Variants in AFF2 observed in about 807,000 individuals in gnomAD.
The protein encoded by AFF2 is AF4/FMR2 family member 2.
Under a neutral mutation model 76.9 loss-of-function variants are expected in AFF2, and 14 were observed. The observed-to-expected ratio is 0.18, with a 90% confidence interval of 0.12 to 0.28. AFF2 has a LOEUF of 0.28. Among genes scored for constraint, AFF2 ranks in the 10% least tolerant of loss-of-function variants. AFF2 has a pLI of 1.00. For synonymous variants in AFF2, 398 were observed against 366.7 expected (o/e 1.09, Z -0.98); for missense variants, 868 against 1,001.1 (o/e 0.87, Z 1.79).
At chrX:148,701,011 A>AGTGTGTGTGTGTGT (rs10675199) in intron 3 of AFF2, among the ~76,000 whole-genome samples, 1 of 61,158 alleles carries the variant, frequency 1.6e-5, no homozygotes, top group Non-Finnish European at 3.2e-5. Context: ...AGAGAGAGAG[A>AGTGTGTGTGTGTGT]ATGTGTGTGT....
At chrX:148,726,038 G>T (rs1420414387) in intron 3 of AFF2, among the ~76,000 whole-genome samples, 2 of 111,593 alleles carry the variant, frequency 1.8e-5, no homozygotes, top group Admixed American at 1.9e-4. Flanking sequence ...AGAAGGACTT[G>T]TGGAACTTAA....
At position 148,978,383 on chromosome X, in the gene AFF2, C is replaced by G; in HGVS notation, c.3498C>G (p.Leu1166=). The change falls in exon 18 of 21, where the codon CTC becomes CTG. Residue 1166 remains leucine (L), a synonymous_variant. Coordinates refer to ENST00000370460, the MANE Select transcript of AFF2 (RefSeq NM_002025.4). The part of the protein sequence containing the change: ...AVLCYRCLSL[L]YLRMFKLKKD... Reference sequence around the variant, plus strand: ...ACAGCTACCGATGTTTATCACTCCTCTATTTGAGAATGTTTAAGCTGAAGA... The same window carrying G: ...ACAGCTACCGATGTTTATCACTCCTGTATTTGAGAATGTTTAAGCTGAAGA... The G allele has an allele frequency of 8.3e-7, 1 of 1,204,779 alleles. No homozygotes were observed. Among genetic ancestry groups the G allele is most frequent in the Non-Finnish European group, 1.1e-6 (1 of 889,037 alleles).
chrX:148,862,750 T>A (rs1321313138), intron 7 of AFF2, among the ~76,000 whole-genome samples: 1 of 112,517 alleles, frequency 8.9e-6, no homozygotes, highest in Non-Finnish European at 1.9e-5. Context: ...GCACAGTACT[T>A]CATTTAATTA....
intron 1 of AFF2, among the ~76,000 whole-genome samples, chrX:148,512,159 G>A (rs1201412746): frequency 9.0e-6 from 1 of 111,417 alleles, no homozygotes; most frequent in Non-Finnish European, 1.9e-5. Flanking sequence ...AAAAATGCAA[G>A]AGCCATGATG....
intron 7 of AFF2, among the ~76,000 whole-genome samples, chrX:148,883,150 G>A (rs1557278678): frequency 9.0e-6 from 1 of 111,506 alleles, no homozygotes; most frequent in Non-Finnish European, 1.9e-5. Context: ...GACTCTGGAT[G>A]TGCTACTTCT....
intron 12 of AFF2, among the ~76,000 whole-genome samples, chrX:148,961,534 GGCC>G (rs1454242256): frequency 8.9e-6 from 1 of 111,872 alleles, no homozygotes; most frequent in Non-Finnish European, 1.9e-5. Flanking sequence ...AGTAACATAG[GGCC>G]ACATTTATGA....
At chrX:148,696,140 C>T (rs1180470998) in intron 3 of AFF2, among the ~76,000 whole-genome samples, 1 of 111,460 alleles carries the variant, frequency 9.0e-6, no homozygotes, top group African/African-American at 3.3e-5. Flanking sequence ...AGAGAACATC[C>T]ACATTATTTT....
intron 3 of AFF2, among the ~76,000 whole-genome samples, chrX:148,672,654 G>C (rs1237150895): frequency 8.9e-6 from 1 of 112,299 alleles, no homozygotes; most frequent in Non-Finnish European, 1.9e-5. Flanking sequence ...ACACCAAAAA[G>C]AGCAATTTTT....
intron 3 of AFF2, among the ~76,000 whole-genome samples, chrX:148,730,577 C>T (rs1482003927): frequency 8.8e-6 from 1 of 113,025 alleles, no homozygotes; most frequent in Non-Finnish European, 1.9e-5. Flanking sequence ...CCCCCAACAT[C>T]TACTCCACAA....
At chrX:148,758,142 C>A (rs16994711) in intron 3 of AFF2, among the ~76,000 whole-genome samples, 6,679 of 111,955 alleles carry the variant, frequency 0.06, 454 homozygotes, top group African/African-American at 0.2. Flanking sequence ...TGTATTTGAG[C>A]AAAAGACCAT....
chrX:148,645,633 C>T (rs1268669537), intron 1 of AFF2, among the ~76,000 whole-genome samples: 1 of 112,387 alleles, frequency 8.9e-6, no homozygotes, highest in African/African-American at 3.2e-5. Context: ...GAGATGACAA[C>T]GTCTTCTTGA....
chrX:148,823,249 A>T (rs911527021), intron 4 of AFF2, among the ~76,000 whole-genome samples: 1 of 111,232 alleles, frequency 9.0e-6, no homozygotes, highest in Non-Finnish European at 1.9e-5. Flanking sequence ...GTGACACTGG[A>T]CCAGACATCA....
intron 1 of AFF2, among the ~76,000 whole-genome samples, chrX:148,519,854 T>C (rs1557234284): frequency 1.8e-5 from 2 of 112,244 alleles, no homozygotes; most frequent in African/African-American, 6.5e-5. Flanking sequence ...CCTTTCTTAC[T>C]CTGTTAGCCT....
chrX:148,542,474 T>C (rs2052869454), intron 1 of AFF2, among the ~76,000 whole-genome samples: 1 of 111,460 alleles, frequency 9.0e-6, no homozygotes, highest in African/African-American at 3.3e-5. Context: ...TGTGTAGATA[T>C]GTTGCACATA....
intron 1 of AFF2, among the ~76,000 whole-genome samples, chrX:148,567,679 C>T (rs1470932721): frequency 3.6e-5 from 4 of 111,291 alleles, no homozygotes; most frequent in African/African-American, 1.3e-4. Flanking sequence ...ATAAACTGAC[C>T]ATGGCTGCCT....
At chrX:148,547,912 G>A (rs1557238370) in intron 1 of AFF2, among the ~76,000 whole-genome samples, 1 of 111,794 alleles carries the variant, frequency 8.9e-6, no homozygotes, top group Non-Finnish European at 1.9e-5. Context: ...ATCTACGTGT[G>A]TACCAAGAAG....
intron 7 of AFF2, among the ~76,000 whole-genome samples, chrX:148,870,307 C>G (rs2070958388): frequency 8.9e-6 from 1 of 111,809 alleles, no homozygotes; most frequent in South Asian, 3.8e-4. Context: ...TTGAGAAAAG[C>G]CTGCCCAACC....
In AFF2 at chrX:148,991,539, T is replaced by G. The variant is rs995633755; in HGVS notation, c.*207T>G. The G allele has an allele frequency of 5.6e-6, 2 of 355,765 alleles. No individual in the cohort carries two copies. The highest frequency in any genetic ancestry group is 8.8e-6 in the Non-Finnish European group (2 of 227,426). The allele number at this position is 355,765 out of a possible 1,213,427, so 29.3% of individuals were successfully genotyped here. ...GTGTACGTTTTATTACTTAGTCATT[T>G]TTTTTCTTTTAGCATTTGATATGCA... On this transcript the variant is annotated 3_prime_UTR_variant, in exon 21 of 21. Transcript: ENST00000370460.
At chrX:148,940,920 A>G (rs1411343999) in intron 9 of AFF2, among the ~76,000 whole-genome samples, 3 of 111,625 alleles carry the variant, frequency 2.7e-5, no homozygotes, top group African/African-American at 6.5e-5. Context: ...AAGGGAGACT[A>G]TTAGCTAGAA....
Sources: allele counts gnomAD v4.1 joint callset (sites outside exome capture counted in the v4.1 genomes callset), GRCh38; gene constraint gnomAD v4.1.1; transcripts MANE v1.5; gene names NCBI Gene and HGNC (gene_info 2026-07-23, HGNC 2026-07-21).